The following PALLD variants were observed in gnomAD, a reference collection of about 807,000 sequenced individuals.
PALLD encodes the protein palladin, cytoskeletal associated protein, also known as palladin.
PALLD carries 61 observed loss-of-function variants against 123.5 expected under a neutral mutation model. The ratio of observed to expected loss-of-function variants is 0.49; its 90% CI spans 0.40 to 0.61. The LOEUF is 0.61. Ranked by LOEUF, PALLD falls within the 20% of genes least tolerant of loss-of-function variation. The probability of loss-of-function intolerance (pLI) is 0.00; values close to 1 mark genes in which losing one functional copy is unlikely to be tolerated. For synonymous variants in PALLD, 465 were observed against 496.4 expected (o/e 0.94, Z 0.84); for missense variants, 1,273 against 1,377.0 (o/e 0.92, Z 1.20).
intron 2 of PALLD, among the ~76,000 whole-genome samples, chr4:168,577,284 T>C (rs566860474): frequency 2.0e-5 from 3 of 152,224 alleles, no homozygotes; most frequent in South Asian, 2.1e-4. Flanking sequence ...GCTATTGTTA[T>C]AGACACATAC....
chr4:168,823,128 T>C (rs1581646269), intron 10 of PALLD, among the ~76,000 whole-genome samples: 2 of 152,336 alleles, frequency 1.3e-5, no homozygotes, highest in Admixed American at 1.3e-4. Flanking sequence ...GTCATCATTG[T>C]TATATTTATT....
intron 10 of PALLD, among the ~76,000 whole-genome samples, chr4:168,721,434 T>G (rs530266068): frequency 6.6e-6 from 1 of 152,012 alleles, no homozygotes; most frequent in African/African-American, 2.4e-5. Context: ...TATATGTAAC[T>G]TAATGTCAAT....
At chr4:168,781,096 G>C (rs1735854350) in intron 10 of PALLD, among the ~76,000 whole-genome samples, 1 of 152,172 alleles carries the variant, frequency 6.6e-6, no homozygotes, top group South Asian at 2.1e-4. Flanking sequence ...AAGAGCCACA[G>C]ATACTTGTTG....
At chr4:168,918,151 C>T (rs1304613771) in intron 17 of PALLD, among the ~76,000 whole-genome samples, 1 of 151,164 alleles carries the variant, frequency 6.6e-6, no homozygotes. Flanking sequence ...TCACTGCATT[C>T]CAACCTGGGC....
intron 10 of PALLD, among the ~76,000 whole-genome samples, chr4:168,768,790 A>G (rs1734024157): frequency 6.6e-6 from 1 of 152,114 alleles, no homozygotes; most frequent in Non-Finnish European, 1.5e-5. Flanking sequence ...CCCATGCCAC[A>G]GCCTCCTGAG....
At chr4:168,660,848 A>G (rs1434533401) in intron 2 of PALLD, among the ~76,000 whole-genome samples, 1 of 152,074 alleles carries the variant, frequency 6.6e-6, no homozygotes, top group African/African-American at 2.4e-5. Flanking sequence ...GTATGAAGCT[A>G]TACCCAACTT....
intron 2 of PALLD, among the ~76,000 whole-genome samples, chr4:168,580,095 TGGA>T (rs774685695): frequency 5.9e-5 from 9 of 152,082 alleles, no homozygotes; most frequent in Admixed American, 1.3e-4. Flanking sequence ...TTGACTTTTT[TGGA>T]TTCCACGTGT....
chr4:168,730,778 C>G (rs6832581), intron 10 of PALLD, among the ~76,000 whole-genome samples: 13,630 of 152,012 alleles, frequency 0.09, 1,036 homozygotes, highest in East Asian at 0.41. Flanking sequence ...GCATTTGGAG[C>G]CTGAGTAAGG....
chr4:168,603,433 G>A (rs993054326), intron 2 of PALLD, among the ~76,000 whole-genome samples: 5 of 152,166 alleles, frequency 3.3e-5, no homozygotes, highest in Admixed American at 6.5e-5. Flanking sequence ...ATGTTATACA[G>A]ATGAAAATGT....
intron 2 of PALLD, among the ~76,000 whole-genome samples, chr4:168,624,736 G>T (rs1367430899): frequency 6.6e-6 from 1 of 152,056 alleles, no homozygotes; most frequent in Non-Finnish European, 1.5e-5. Flanking sequence ...AGATAGAATG[G>T]CACACAAGGA....
At chr4:168,822,055 A>G (rs1742802261) in intron 10 of PALLD, among the ~76,000 whole-genome samples, 1 of 152,064 alleles carries the variant, frequency 6.6e-6, no homozygotes. Flanking sequence ...CTCCAGCTGA[A>G]AGGAATGTTA....
intron 10 of PALLD, among the ~76,000 whole-genome samples, chr4:168,787,504 G>A (rs1013595118): frequency 1.3e-5 from 2 of 152,268 alleles, no homozygotes; most frequent in East Asian, 1.9e-4. Flanking sequence ...AACCACATGT[G>A]GCTATTTAAA....
intron 5 of PALLD, 27 bp downstream of exon 5, chr4:168,683,130 T>A: frequency 1.5e-6 from 2 of 1,358,978 alleles, no homozygotes; most frequent in Non-Finnish European, 2.1e-6. Context: ...CCAGAGCCCA[T>A]AAGGGGTCGA....
chr4:168,585,511 T>G (rs1770722383), intron 2 of PALLD, among the ~76,000 whole-genome samples: 2 of 152,152 alleles, frequency 1.3e-5, no homozygotes, highest in South Asian at 4.1e-4. Context: ...AAGTAGGGAT[T>G]GCAGCCATCC....
intron 10 of PALLD, chr4:168,864,451 C>T (rs1207900936): frequency 6.6e-6 from 1 of 152,208 alleles, no homozygotes; most frequent in African/African-American, 2.4e-5. Flanking sequence ...TCCTGTGTGG[C>T]ACTGCACCAA....
intron 2 of PALLD, among the ~76,000 whole-genome samples, chr4:168,565,475 T>C (rs1017551376): frequency 2.0e-5 from 3 of 152,046 alleles, no homozygotes; most frequent in African/African-American, 7.2e-5. Context: ...AAACCAAACC[T>C]GGAGGTAAGA....
At chr4:168,770,907 G>T (rs7672462) in intron 10 of PALLD, among the ~76,000 whole-genome samples, 1 of 151,728 alleles carries the variant, frequency 6.6e-6, no homozygotes, top group African/African-American at 2.4e-5. Flanking sequence ...AAAAATACAA[G>T]AACTTAGCTG....
At chr4:168,815,073 T>C (rs1473206107) in intron 10 of PALLD, among the ~76,000 whole-genome samples, 3 of 152,210 alleles carry the variant, frequency 2.0e-5, no homozygotes, top group African/African-American at 7.2e-5. Context: ...GCCCGGCGAA[T>C]ATTTTAATCT....
chr4:168,664,787 AC>A (rs1378918067), intron 2 of PALLD, among the ~76,000 whole-genome samples: 1 of 150,576 alleles, frequency 6.6e-6, no homozygotes, highest in Non-Finnish European at 1.5e-5. Context: ...AAAAAAAAAA[AC>A]CCTGCAAATA....
Sources: allele counts gnomAD v4.1 joint callset (sites outside exome capture counted in the v4.1 genomes callset), GRCh38; gene constraint gnomAD v4.1.1; transcripts MANE v1.5; gene names NCBI Gene and HGNC (gene_info 2026-07-23, HGNC 2026-07-21).